The following PTTG1IP2 variants were observed in gnomAD, a reference collection of about 807,000 sequenced individuals.
PTTG1IP2 encodes the protein PTTG1IP family member 2.
intron 6 of PTTG1IP2, among the ~76,000 whole-genome samples, chr7:90,511,142 C>A (rs1453022292): frequency 3.3e-5 from 5 of 151,754 alleles, no homozygotes; most frequent in Admixed American, 1.3e-4. Context: ...TCTCTTTAGT[C>A]TCCTCTAACT....
chr7:90,485,853 A>G (rs1797869619), intron 2 of PTTG1IP2, among the ~76,000 whole-genome samples: 1 of 152,156 alleles, frequency 6.6e-6, no homozygotes, highest in East Asian at 1.9e-4. Flanking sequence ...AAACCCTGCT[A>G]GATCTTGGAC....
chr7:90,479,886 A>G (rs1797795699), intron 2 of PTTG1IP2, among the ~76,000 whole-genome samples: 1 of 152,204 alleles, frequency 6.6e-6, no homozygotes, highest in South Asian at 2.1e-4. Context: ...CTACTTAGAA[A>G]AGGGCACACT....
intron 2 of PTTG1IP2, among the ~76,000 whole-genome samples, chr7:90,480,751 G>T (rs1409843001): frequency 6.6e-6 from 1 of 152,018 alleles, no homozygotes; most frequent in Non-Finnish European, 1.5e-5. Flanking sequence ...ATTGCAATTG[G>T]CTGATATGTG....
intron 6 of PTTG1IP2, among the ~76,000 whole-genome samples, chr7:90,508,802 C>T (rs951897812): frequency 3.3e-5 from 5 of 152,258 alleles, no homozygotes; most frequent in Admixed American, 2.6e-4. Flanking sequence ...TACTTTGAGG[C>T]TGTAGAAGCC....
chr7:90,484,427 T>C (rs1455010916), intron 2 of PTTG1IP2, among the ~76,000 whole-genome samples: 2 of 152,178 alleles, frequency 1.3e-5, no homozygotes, highest in Non-Finnish European at 2.9e-5. Context: ...ATGAGTACTA[T>C]AATTTTCCCA....
At chr7:90,509,766 G>C (rs1798164163) in intron 6 of PTTG1IP2, among the ~76,000 whole-genome samples, 1 of 152,132 alleles carries the variant, frequency 6.6e-6, no homozygotes, top group Non-Finnish European at 1.5e-5. Context: ...GGACTCACAG[G>C]GCAAGTGGGC....
At chr7:90,492,994 C>G (rs1021215718) in intron 5 of PTTG1IP2, among the ~76,000 whole-genome samples, 1 of 152,176 alleles carries the variant, frequency 6.6e-6, no homozygotes, top group African/African-American at 2.4e-5. Context: ...ATCCTCTACC[C>G]AGGTCTGGAT....
At chr7:90,478,626 C>T (rs1797779259) in intron 1 of PTTG1IP2, among the ~76,000 whole-genome samples, 1 of 152,144 alleles carries the variant, frequency 6.6e-6, no homozygotes, top group African/African-American at 2.4e-5. Context: ...ACAACTAGGA[C>T]ATTAATTCCA....
At chr7:90,477,485 A>G (rs574565749) in intron 1 of PTTG1IP2, among the ~76,000 whole-genome samples, 1 of 152,344 alleles carries the variant, frequency 6.6e-6, no homozygotes, top group East Asian at 1.9e-4. Flanking sequence ...CTCTTAGCCA[A>G]AACTCTTTTT....
intron 6 of PTTG1IP2, among the ~76,000 whole-genome samples, chr7:90,505,914 G>A: frequency 6.7e-6 from 1 of 149,194 alleles, no homozygotes; most frequent in African/African-American, 2.5e-5. Context: ...AACCCGGGAG[G>A]CGAAGCTTGC....
At chr7:90,472,279 AAC>A (rs144907444) in intron 1 of PTTG1IP2, among the ~76,000 whole-genome samples, 2,239 of 137,964 alleles carry the variant, frequency 0.016, 24 homozygotes, top group African/African-American at 0.033. Flanking sequence ...ATAGCATGCA[AAC>A]ACACACACAC....
intron 2 of PTTG1IP2, among the ~76,000 whole-genome samples, chr7:90,485,170 G>C (rs775284594): frequency 2.0e-5 from 3 of 152,138 alleles, no homozygotes; most frequent in African/African-American, 4.8e-5. Context: ...GAAGAATGGG[G>C]ACACAAAGTA....
intron 6 of PTTG1IP2, among the ~76,000 whole-genome samples, chr7:90,510,408 A>G (rs760262211): frequency 2.0e-5 from 3 of 152,234 alleles, no homozygotes; most frequent in Non-Finnish European, 2.9e-5. Flanking sequence ...AGAGTGAATG[A>G]ATGAAAAAAA....
intron 2 of PTTG1IP2, among the ~76,000 whole-genome samples, chr7:90,479,760 A>G (rs1797794457): frequency 6.6e-6 from 1 of 152,186 alleles, no homozygotes; most frequent in African/African-American, 2.4e-5. Context: ...GCTATAAGTT[A>G]TGAGGGAAAT....
At chr7:90,493,391 G>T (rs1041704312) in intron 5 of PTTG1IP2, among the ~76,000 whole-genome samples, 1 of 152,180 alleles carries the variant, frequency 6.6e-6, no homozygotes, top group East Asian at 1.9e-4. Flanking sequence ...AGCTATTTTA[G>T]GACAGGAGCC....
At chr7:90,505,915 C>T (rs1258863163) in intron 6 of PTTG1IP2, among the ~76,000 whole-genome samples, 1 of 134,780 alleles carries the variant, frequency 7.4e-6, no homozygotes, top group Non-Finnish European at 1.5e-5. Context: ...ACCCGGGAGG[C>T]GAAGCTTGCA....
chr7:90,498,114 CT>C (rs1290051315), intron 6 of PTTG1IP2, among the ~76,000 whole-genome samples: 1 of 152,090 alleles, frequency 6.6e-6, no homozygotes, highest in African/African-American at 2.4e-5. Flanking sequence ...CAAGCTTTGC[CT>C]CCCCGGCTCA....
intron 6 of PTTG1IP2, among the ~76,000 whole-genome samples, chr7:90,505,977 C>A: frequency 8.8e-6 from 1 of 114,110 alleles, no homozygotes; most frequent in South Asian, 2.9e-4. Flanking sequence ...GGCGACAGAG[C>A]GAGACTCCGT....
At chr7:90,505,191 C>G (rs1214430014) in intron 6 of PTTG1IP2, among the ~76,000 whole-genome samples, 2 of 152,170 alleles carry the variant, frequency 1.3e-5, no homozygotes, top group Non-Finnish European at 2.9e-5. Flanking sequence ...TATGTGATAA[C>G]TTTTAACCAT....
Sources: allele counts gnomAD v4.1 joint callset (sites outside exome capture counted in the v4.1 genomes callset), GRCh38; gene constraint gnomAD v4.1.1; transcripts MANE v1.5; gene names NCBI Gene and HGNC (gene_info 2026-07-23, HGNC 2026-07-21).